Variants in ARAP2 observed in about 807,000 individuals in gnomAD.
The protein encoded by ARAP2 is arf-GAP with Rho-GAP domain, ANK repeat and PH domain-containing protein 2.
Under a neutral mutation model 194.5 loss-of-function variants are expected in ARAP2, and 148 were observed. That is an observed-to-expected ratio of 0.76 (90% confidence interval 0.67 to 0.87). The LOEUF (loss-of-function observed/expected upper bound fraction) is 0.87, where lower values mean the gene tolerates loss of function less well. Among genes scored for constraint, ARAP2 ranks in the 40% least tolerant of loss-of-function variants. ARAP2 has a pLI of 0.00. For synonymous variants in ARAP2, 695 were observed against 683.5 expected, an observed-to-expected ratio of 1.02 and a Z score of -0.26; for missense variants, 2,128 against 1,989.7, an observed-to-expected ratio of 1.07 and a Z score of -1.32.
intron 24 of ARAP2, 104 bp downstream of exon 24, chr4:36,119,546 T>C: frequency 1.3e-6 from 1 of 755,370 alleles, no homozygotes; most frequent in Non-Finnish European, 2.0e-6. Context: ...TACTTTTACT[T>C]TGCTTAAAAT....
At chr4:36,143,760 T>C (rs2109680167) in intron 19 of ARAP2, among the ~76,000 whole-genome samples, 1 of 151,936 alleles carries the variant, frequency 6.6e-6, no homozygotes, top group South Asian at 2.1e-4. Context: ...ATATTTATCC[T>C]CACATTTCTC....
chr4:36,108,947 A>G (rs1177552504), intron 26 of ARAP2, among the ~76,000 whole-genome samples: 1 of 152,018 alleles, frequency 6.6e-6, no homozygotes, highest in Non-Finnish European at 1.5e-5. Flanking sequence ...CATAAAGCAC[A>G]TACCACCTGA....
At chr4:36,224,662 A>G (rs998551489) in intron 2 of ARAP2, among the ~76,000 whole-genome samples, 4 of 152,174 alleles carry the variant, frequency 2.6e-5, no homozygotes, top group African/African-American at 7.2e-5. Context: ...TTGAGCAGAT[A>G]GATACCCTCA....
rs367760164 is a variant in ARAP2, at chr4:36,013,508, G to C, written n.1057-677C>G. ...ACCATGAGCATGGAAAGAAAAGAGA[G>C]AATTATGGATACAGGGTGTTTGGGC... On this transcript the variant is annotated intron_variant and non_coding_transcript_variant, in intron 8 of 12. Transcript: ENST00000503225. Among the ~76,000 whole-genome samples, 7 of 152,128 alleles carry C rather than the reference G, an allele frequency of 4.6e-5. No homozygotes were observed. The East Asian group carries it at 1.3e-3, about 29-fold the overall frequency.
intron 23 of ARAP2, among the ~76,000 whole-genome samples, chr4:36,120,759 A>G (rs1314899510): frequency 6.6e-6 from 1 of 151,706 alleles, no homozygotes; most frequent in African/African-American, 2.4e-5. Context: ...AATATTTTAG[A>G]ATGTTATTTG....
chr4:36,087,333 T>C (rs1712150125), intron 28 of ARAP2, among the ~76,000 whole-genome samples: 1 of 152,078 alleles, frequency 6.6e-6, no homozygotes, highest in Admixed American at 6.6e-5. Context: ...AATTAAAGTA[T>C]CAGTTGCATT....
chr4:36,078,949 G>C (rs764971375), intron 31 of ARAP2, among the ~76,000 whole-genome samples: 3 of 151,922 alleles, frequency 2.0e-5, no homozygotes, highest in Non-Finnish European at 4.4e-5. Context: ...CAAGGTGGGC[G>C]GATCACCTGA....
chr4:36,167,519 G>A (rs1416183934), intron 9 of ARAP2, among the ~76,000 whole-genome samples: 2 of 152,064 alleles, frequency 1.3e-5, no homozygotes, highest in Admixed American at 6.5e-5. Context: ...AAAAAGATCT[G>A]GAGCCCAATC....
chr4:36,235,695 G>A lies in ARAP2; in HGVS notation c.-159-6050C>T, dbSNP rs374674475. Among the ~76,000 whole-genome samples, 4 of 152,202 alleles carry A rather than the reference G, an allele frequency of 2.6e-5. No homozygotes were observed. The South Asian group carries it at 6.2e-4, about 24-fold the overall frequency. On this transcript the variant is annotated intron_variant, in intron 1 of 32. Transcript: ENST00000303965. Reference sequence around the variant, plus strand: ...CTTGCTTTGTGATGAGAAGTGGAAGGTGCACATTGTTTTAAAATGTTGTCT... The same window carrying A: ...CTTGCTTTGTGATGAGAAGTGGAAGATGCACATTGTTTTAAAATGTTGTCT...
intron 20 of ARAP2, among the ~76,000 whole-genome samples, chr4:36,131,445 CAT>C (rs1053631891): frequency 4.0e-5 from 6 of 150,800 alleles, no homozygotes; most frequent in African/African-American, 9.7e-5. Context: ...TGTATGTACA[CAT>C]ATGTGTGTAC....
At chr4:36,116,946 C>G in intron 25 of ARAP2, 115 bp downstream of exon 25, 1 of 550,550 alleles carries the variant, frequency 1.8e-6, no homozygotes, top group Non-Finnish European at 2.9e-6. Flanking sequence ...TGTTGTCAGT[C>G]GTTTGAACTG....
chr4:36,143,346 C>G (rs56904875), intron 19 of ARAP2, among the ~76,000 whole-genome samples: 47,255 of 151,406 alleles, frequency 0.31, 8,715 homozygotes, highest in East Asian at 0.46. Flanking sequence ...ATAAATGCTT[C>G]AATTTTGAAT....
At chr4:36,059,511 C>T (rs1398468433) in intron 1 of ARAP2, among the ~76,000 whole-genome samples, 2 of 152,086 alleles carry the variant, frequency 1.3e-5, no homozygotes, top group Non-Finnish European at 2.9e-5. Flanking sequence ...AAGTAAAAAG[C>T]TTTAGATATA....
In ARAP2 at chr4:36,117,083, G is replaced by A. The variant is rs757375012; in HGVS notation, c.4016C>T (p.Pro1339Leu). Residue 1339 changes from proline (P) to leucine (L), a missense_variant, in exon 25 of 33, where the codon CCC becomes CTC. By Grantham distance (98) the Pro-to-Leu change is moderately conservative. Coordinates refer to ENST00000303965, the MANE Select transcript of ARAP2 (RefSeq NM_015230.4). The stretch of plus-strand genomic sequence containing the variant: ...TACCCGAATTATAATACTACAGTCG[G>A]GTTCCTTCCTTTCTACATATACTTC... ...LIEVYVERKE[P>L]DCSIIIRISP... 3.8e-6 allele frequency: 6 copies of A among 1,598,706 alleles called. No homozygotes were observed. The African/African-American group carries it at 5.4e-5, about 14-fold the overall frequency.
chr4:36,063,551 A>G (rs1193315005), downstream of ARAP2, among the ~76,000 whole-genome samples: 1 of 152,124 alleles, frequency 6.6e-6, no homozygotes, highest in Non-Finnish European at 1.5e-5. Context: ...CTAGTATCCA[A>G]ATTTCTGCGG....
chr4:36,162,604 C>CTTTT (rs3055949), intron 11 of ARAP2, among the ~76,000 whole-genome samples: 77,758 of 142,318 alleles, frequency 0.55, 21,938 homozygotes, highest in East Asian at 0.74. Context: ...AAGTTCTTGT[C>CTTTT]TTTTTTTTTT....
chr4:36,032,335 G>A (rs1289858484), intron 5 of ARAP2, among the ~76,000 whole-genome samples: 5 of 152,188 alleles, frequency 3.3e-5, no homozygotes, highest in African/African-American at 4.8e-5. Context: ...AGGGCTCAGA[G>A]GAGCCTAACT....
intron 7 of ARAP2, among the ~76,000 whole-genome samples, chr4:36,188,685 T>A (rs1336941177): frequency 6.6e-6 from 1 of 152,204 alleles, no homozygotes; most frequent in Non-Finnish European, 1.5e-5. Flanking sequence ...TTAAGGGATT[T>A]CTTTATCTCT....
intron 6 of ARAP2, among the ~76,000 whole-genome samples, chr4:36,195,378 G>T (rs1405254557): frequency 1.3e-5 from 2 of 152,126 alleles, no homozygotes; most frequent in East Asian, 3.8e-4. Context: ...ATTAAATGTT[G>T]AAAGGTAAAG....
Sources: gnomAD v4.1 joint callset for allele counts (sites outside exome capture counted in the v4.1 genomes callset) on GRCh38, gnomAD v4.1.1 for gene constraint, MANE v1.5 for transcripts, NCBI Gene and HGNC (gene_info 2026-07-23, HGNC 2026-07-21) for gene names.